ANO10: variants seen among roughly 807,000 people sequenced by gnomAD.
ANO10 encodes anoctamin-10.
Under a neutral mutation model 74.7 loss-of-function variants are expected in ANO10, and 77 were observed. The ratio of observed to expected loss-of-function variants is 1.03; its 90% confidence interval spans 0.86 to 1.25. ANO10 has a LOEUF of 1.25. Among genes scored for constraint, ANO10 ranks in the 50% most tolerant of loss-of-function variants. ANO10 has a pLI of 0.00. For synonymous variants in ANO10, 279 were observed against 284.9 expected (o/e 0.98, Z 0.21); for missense variants, 721 against 778.1 (o/e 0.93, Z 0.87).
intron 11 of ANO10, among the ~76,000 whole-genome samples, chr3:43,454,161 T>C (rs2075020167): frequency 6.6e-6 from 1 of 151,844 alleles, no homozygotes; most frequent in Non-Finnish European, 1.5e-5. Flanking sequence ...GAAAGGCAAA[T>C]GTAAAGGCCC....
At chr3:43,519,554 C>T (rs1010212904) in intron 11 of ANO10, among the ~76,000 whole-genome samples, 4 of 152,160 alleles carry the variant, frequency 2.6e-5, no homozygotes, top group Non-Finnish European at 5.9e-5. Context: ...GAATCTAATT[C>T]ATACATTTGG....
intron 1 of ANO10, among the ~76,000 whole-genome samples, chr3:43,643,523 A>T (rs1010257614): frequency 6.6e-6 from 1 of 151,798 alleles, no homozygotes; most frequent in Non-Finnish European, 1.5e-5. Flanking sequence ...TCTTATTGTA[A>T]GGGAAATTGG....
At chr3:43,415,994 A>C (rs997122040) in intron 12 of ANO10, among the ~76,000 whole-genome samples, 1 of 150,640 alleles carries the variant, frequency 6.6e-6, no homozygotes, top group Non-Finnish European at 1.5e-5. Context: ...CTGACATTTT[A>C]AAAAGTGAAC....
At chr3:43,639,750 T>A (rs2083652919) in intron 1 of ANO10, among the ~76,000 whole-genome samples, 2 of 146,658 alleles carry the variant, frequency 1.4e-5, no homozygotes, top group Non-Finnish European at 3.0e-5. Flanking sequence ...CACTCCAGCC[T>A]GGCGACAGAG....
intron 1 of ANO10, among the ~76,000 whole-genome samples, chr3:43,613,464 G>A (rs2082933869): frequency 6.6e-6 from 1 of 152,216 alleles, no homozygotes; most frequent in African/African-American, 2.4e-5. Flanking sequence ...GACCAGAGCA[G>A]AGGGGCTACA....
At chr3:43,469,253 G>C (rs1230917793) in intron 11 of ANO10, among the ~76,000 whole-genome samples, 1 of 135,790 alleles carries the variant, frequency 7.4e-6, no homozygotes, top group Non-Finnish European at 1.6e-5. Context: ...TCACCATGTT[G>C]GCCAGGCTGG....
intron 1 of ANO10, among the ~76,000 whole-genome samples, chr3:43,664,049 C>T (rs1306814394): frequency 1.3e-5 from 2 of 152,070 alleles, no homozygotes; most frequent in Non-Finnish European, 2.9e-5. Flanking sequence ...TCATATGGAA[C>T]CAAAAAAGAG....
intron 12 of ANO10, among the ~76,000 whole-genome samples, chr3:43,388,475 T>A (rs2092189003): frequency 6.6e-6 from 1 of 152,150 alleles, no homozygotes; most frequent in Non-Finnish European, 1.5e-5. Context: ...CCTGACCACA[T>A]TCCGAAGGCT....
intron 1 of ANO10, chr3:43,639,041 C>A (rs929802103): frequency 7.2e-5 from 11 of 152,286 alleles, no homozygotes; most frequent in African/African-American, 2.7e-4. Context: ...ATAGATCTCT[C>A]CACCAGGCTG....
intron 1 of ANO10, among the ~76,000 whole-genome samples, chr3:43,619,868 C>CAAAAAA (rs746826623): frequency 1.3e-5 from 1 of 79,924 alleles, no homozygotes; most frequent in Non-Finnish European, 2.6e-5. Context: ...AGACCTTGTC[C>CAAAAAA]AAAAAAAAAA....
intron 11 of ANO10, among the ~76,000 whole-genome samples, chr3:43,457,073 T>C (rs1319076221): frequency 1.3e-5 from 2 of 152,184 alleles, no homozygotes; most frequent in Admixed American, 6.5e-5. Flanking sequence ...AAAAACTAAA[T>C]TAGCTAATAC....
chr3:43,597,271 C>T (rs1347547526), intron 4 of ANO10, among the ~76,000 whole-genome samples: 2 of 152,174 alleles, frequency 1.3e-5, no homozygotes, highest in South Asian at 2.1e-4. Flanking sequence ...GGTATATACC[C>T]GAAGGATTAT....
chr3:43,599,884 C>T (rs1180085333), intron 3 of ANO10, among the ~76,000 whole-genome samples: 2 of 149,168 alleles, frequency 1.3e-5, no homozygotes, highest in East Asian at 3.9e-4. Context: ...CCAGCCTGGG[C>T]GACAGAGCGA....
chr3:43,676,437 G>A (rs753059082), intron 1 of ANO10, among the ~76,000 whole-genome samples: 1 of 152,098 alleles, frequency 6.6e-6, no homozygotes, highest in Non-Finnish European at 1.5e-5. Flanking sequence ...CAGCCTGGGA[G>A]ACAGAGTGAG....
chr3:43,534,234 T>C (rs767319132), intron 11 of ANO10, among the ~76,000 whole-genome samples: 2 of 152,204 alleles, frequency 1.3e-5, no homozygotes, highest in Non-Finnish European at 2.9e-5. Flanking sequence ...ATAACAAAAA[T>C]GAAACTATCA....
intron 11 of ANO10, among the ~76,000 whole-genome samples, chr3:43,476,939 C>T (rs2076088445): frequency 6.6e-6 from 1 of 152,192 alleles, no homozygotes; most frequent in Non-Finnish European, 1.5e-5. Context: ...GGCAGATCTC[C>T]ACAGTGGGCA....
intron 1 of ANO10, among the ~76,000 whole-genome samples, chr3:43,618,921 C>T (rs1421701451): frequency 6.6e-6 from 1 of 152,144 alleles, no homozygotes; most frequent in South Asian, 2.1e-4. Flanking sequence ...CCTGCCTCAG[C>T]CTCCCGAGTA....
chr3:43,555,594 C>CCATACACCATA, intron 9 of ANO10, 125 bp from the exon 10 acceptor site: 1 of 878,720 alleles, frequency 1.1e-6, no homozygotes, highest in South Asian at 1.6e-5. Flanking sequence ...CCACCATACA[C>CCATACACCATA]CAGTGTTTCT....
chr3:43,544,865 T>C (rs1193715486), intron 11 of ANO10, among the ~76,000 whole-genome samples: 1 of 151,140 alleles, frequency 6.6e-6, no homozygotes, highest in Non-Finnish European at 1.5e-5. Flanking sequence ...TTTGGAAATG[T>C]GATCCAGAAA....
Sources: allele counts gnomAD v4.1 joint callset (sites outside exome capture counted in the v4.1 genomes callset), GRCh38; gene constraint gnomAD v4.1.1; transcripts MANE v1.5; gene names NCBI Gene and HGNC (gene_info 2026-07-23, HGNC 2026-07-21).